Variants in FMNL2 observed in about 807,000 individuals in gnomAD.
FMNL2 encodes formin-like protein 2.
In FMNL2, 51 loss-of-function variants were observed where a neutral mutation model predicts 130.2. That is an observed-to-expected ratio of 0.39 (90% CI 0.31 to 0.49). The LOEUF (loss-of-function observed/expected upper bound fraction) is 0.49. FMNL2 is among the 20% of genes least tolerant of loss of function. The pLI is 0.85. For missense variants in FMNL2, 977 were observed against 1,316.2 expected (o/e 0.74, Z 3.99); for synonymous variants, 465 against 467.1 (o/e 1.00, Z 0.06).
At chr2:152,643,756 A>T (rs1249147799) in intron 25 of FMNL2, 1 of 985,326 alleles carries the variant, frequency 1.0e-6, no homozygotes, top group East Asian at 1.1e-4. Context: ...GGTGTGTTTG[A>T]CAGCTGAATT....
intron 1 of FMNL2, among the ~76,000 whole-genome samples, chr2:152,490,812 T>C (rs1412645298): frequency 6.6e-6 from 1 of 151,612 alleles, no homozygotes; most frequent in Non-Finnish European, 1.5e-5. Context: ...AACATCTGAT[T>C]GAAAAAAGAA....
At chr2:152,551,717 G>GT (rs1205154087) in intron 4 of FMNL2, among the ~76,000 whole-genome samples, 2 of 152,172 alleles carry the variant, frequency 1.3e-5, no homozygotes, top group East Asian at 3.8e-4. Flanking sequence ...TTAAAATACT[G>GT]TAATAGATAG....
intron 1 of FMNL2, among the ~76,000 whole-genome samples, chr2:152,509,433 G>A (rs1457691668): frequency 1.3e-5 from 2 of 151,262 alleles, no homozygotes; most frequent in Non-Finnish European, 1.5e-5. Context: ...TGTTAGATGT[G>A]TATTGTGTAT....
chr2:152,639,848 AT>A, intron 23 of FMNL2, 109 bp from the exon 24 acceptor site: 1 of 767,286 alleles, frequency 1.3e-6, no homozygotes, highest in Admixed American at 4.0e-5. Flanking sequence ...TCAACCTTCC[AT>A]TTATTGTAAT....
At chr2:152,368,401 T>C (rs962381450) in intron 1 of FMNL2, among the ~76,000 whole-genome samples, 1 of 152,136 alleles carries the variant, frequency 6.6e-6, no homozygotes, top group Admixed American at 6.5e-5. Context: ...ATAAGCAAAA[T>C]AACTTAACCC....
chr2:152,525,833 C>T (rs1693358851), intron 2 of FMNL2, among the ~76,000 whole-genome samples: 1 of 152,156 alleles, frequency 6.6e-6, no homozygotes, highest in Non-Finnish European at 1.5e-5. Flanking sequence ...ACTAAGAAGC[C>T]TCATTACTCT....
intron 1 of FMNL2, among the ~76,000 whole-genome samples, chr2:152,505,815 C>G (rs1692139806): frequency 6.6e-6 from 1 of 152,196 alleles, no homozygotes; most frequent in Non-Finnish European, 1.5e-5. Flanking sequence ...GTAATACAAG[C>G]AGACATTCAT....
intron 1 of FMNL2, among the ~76,000 whole-genome samples, chr2:152,348,404 G>A (rs756463487): frequency 6.6e-6 from 1 of 152,154 alleles, no homozygotes; most frequent in Admixed American, 6.6e-5. Context: ...CCTTGGGAAG[G>A]GTCCCAGCAA....
At chr2:152,543,421 G>A (rs1303967297) in intron 3 of FMNL2, among the ~76,000 whole-genome samples, 1 of 152,120 alleles carries the variant, frequency 6.6e-6, no homozygotes, top group African/African-American at 2.4e-5. Flanking sequence ...AGCCTGGCAC[G>A]GCCCTGTGGG....
At chr2:152,459,094 T>C (rs58121347) in intron 1 of FMNL2, among the ~76,000 whole-genome samples, 23,215 of 152,158 alleles carry the variant, frequency 0.15, 2,013 homozygotes, top group East Asian at 0.27. Context: ...TTTTTTTGTT[T>C]ACTTTTTCTG....
At chr2:152,593,674 C>A (rs1270216258) in intron 9 of FMNL2, among the ~76,000 whole-genome samples, 2 of 152,052 alleles carry the variant, frequency 1.3e-5, no homozygotes, top group African/African-American at 4.8e-5. Context: ...AGTAGCCCAA[C>A]TATAGTCAAC....
intron 1 of FMNL2, among the ~76,000 whole-genome samples, chr2:152,382,635 G>T (rs1465519965): frequency 6.6e-6 from 1 of 151,890 alleles, no homozygotes; most frequent in African/African-American, 2.4e-5. Flanking sequence ...GATCTCAAGT[G>T]GTCTCACCAT....
At chr2:152,562,582 G>GA (rs1695589944) in intron 6 of FMNL2, among the ~76,000 whole-genome samples, 1 of 152,130 alleles carries the variant, frequency 6.6e-6, no homozygotes, top group South Asian at 2.1e-4. Flanking sequence ...TTTAGAACTG[G>GA]AAAAAAATGT....
At chr2:152,516,102 TC>T (rs1371318599) in intron 1 of FMNL2, among the ~76,000 whole-genome samples, 2 of 152,126 alleles carry the variant, frequency 1.3e-5, no homozygotes, top group African/African-American at 4.8e-5. Flanking sequence ...TTGAAATCCA[TC>T]CCATTTCCTT....
intron 2 of FMNL2, among the ~76,000 whole-genome samples, chr2:152,537,762 G>A (rs890199608): frequency 6.6e-6 from 1 of 152,106 alleles, no homozygotes; most frequent in African/African-American, 2.4e-5. Context: ...TTTAAAAAAT[G>A]TTTATACTAT....
rs576935077 is a variant in FMNL2, at chr2:152,382,326, C to T, written c.117+46606C>T. ...TCTCTTCATTGGGTCAAAGGAGAGG[C>T]GTCATTAAGGAAAGCGCATGTGTCT... On this transcript the variant is annotated intron_variant, in intron 1 of 25. Transcript: ENST00000288670. Among the ~76,000 whole-genome samples, 23 of 152,216 alleles carry T rather than the reference C, an allele frequency of 1.5e-4. No homozygotes were observed. The South Asian group carries it at 4.6e-3, about 30-fold the overall frequency.
At chr2:152,575,586 T>C (rs1423359629) in intron 7 of FMNL2, among the ~76,000 whole-genome samples, 1 of 152,220 alleles carries the variant, frequency 6.6e-6, no homozygotes, top group Non-Finnish European at 1.5e-5. Flanking sequence ...GGTTTAATTC[T>C]TTGCTCTCAT....
At chr2:152,582,304 C>G (rs989776934) in intron 9 of FMNL2, among the ~76,000 whole-genome samples, 3 of 152,164 alleles carry the variant, frequency 2.0e-5, no homozygotes, top group African/African-American at 7.2e-5. Flanking sequence ...GGATTTACTG[C>G]CCAGCTGCCA....
chr2:152,502,646 C>T (rs375688495), intron 1 of FMNL2, among the ~76,000 whole-genome samples: 1 of 152,168 alleles, frequency 6.6e-6, no homozygotes, highest in East Asian at 1.9e-4. Context: ...AAGGTCGTGC[C>T]ACTGCACTCC....
Sources: allele counts gnomAD v4.1 joint callset (sites outside exome capture counted in the v4.1 genomes callset), GRCh38; gene constraint gnomAD v4.1.1; transcripts MANE v1.5; gene names NCBI Gene and HGNC (gene_info 2026-07-23, HGNC 2026-07-21).